DRC8: variants seen among roughly 807,000 people sequenced by gnomAD.
DRC8 encodes the protein dynein regulatory complex protein 8.
the DRC8 span, among the ~76,000 whole-genome samples, chr1:244,973,228 AATATAATAAT>A: frequency 7.2e-5 from 2 of 27,884 alleles, no homozygotes; most frequent in Non-Finnish European, 2.0e-4. Context: ...GCAATATACT[AATATAATAAT>A]ATACTGTTTT....
the DRC8 span, among the ~76,000 whole-genome samples, chr1:244,982,682 A>G: frequency 1.3e-5 from 2 of 152,158 alleles, no homozygotes; most frequent in African/African-American, 4.8e-5. Flanking sequence ...AAAGAGAGAA[A>G]AGAATGAAAA....
At chr1:245,121,044 T>G in the DRC8 span, among the ~76,000 whole-genome samples, 1 of 152,256 alleles carries the variant, frequency 6.6e-6, no homozygotes, top group Non-Finnish European at 1.5e-5. Context: ...CAAAATTAAT[T>G]TGGTCAACTA....
At chr1:244,987,693 G>A in the DRC8 span, among the ~76,000 whole-genome samples, 1 of 151,164 alleles carries the variant, frequency 6.6e-6, no homozygotes, top group Admixed American at 6.6e-5. Flanking sequence ...TATTAATTGG[G>A]TCAAATAGAA....
chr1:245,090,307 A>G, the DRC8 span, among the ~76,000 whole-genome samples: 1 of 152,340 alleles, frequency 6.6e-6, no homozygotes, highest in South Asian at 2.1e-4. Flanking sequence ...GTTGGTAGCA[A>G]GGGGTGGTCT....
chr1:245,079,416 C>T, the DRC8 span, among the ~76,000 whole-genome samples: 4 of 152,094 alleles, frequency 2.6e-5, no homozygotes, highest in Non-Finnish European at 5.9e-5. Flanking sequence ...AACTTATTTT[C>T]GTATAATTTT....
the DRC8 span, among the ~76,000 whole-genome samples, chr1:244,991,213 G>C: frequency 6.6e-6 from 1 of 152,140 alleles, no homozygotes; most frequent in African/African-American, 2.4e-5. Flanking sequence ...TTATCATAAA[G>C]GATGCAAATG....
the DRC8 span, among the ~76,000 whole-genome samples, chr1:245,052,088 G>A: frequency 6.6e-6 from 1 of 152,140 alleles, no homozygotes; most frequent in African/African-American, 2.4e-5. Flanking sequence ...GAGATGAAGG[G>A]AGGGAGTACT....
At chr1:244,982,144 A>G in the DRC8 span, among the ~76,000 whole-genome samples, 1 of 152,206 alleles carries the variant, frequency 6.6e-6, no homozygotes, top group Non-Finnish European at 1.5e-5. Flanking sequence ...TGGCACCTAC[A>G]GCTACAGCAA....
chr1:244,997,542 T>C, the DRC8 span, among the ~76,000 whole-genome samples: 3 of 150,124 alleles, frequency 2.0e-5, no homozygotes, highest in Non-Finnish European at 4.4e-5. Context: ...TTTTTTTTTT[T>C]GGTTTATTTT....
the DRC8 span, among the ~76,000 whole-genome samples, chr1:244,981,870 C>T: frequency 6.6e-6 from 1 of 152,132 alleles, no homozygotes; most frequent in Non-Finnish European, 1.5e-5. Flanking sequence ...CATAAAAAGG[C>T]CAATTTCAGT....
chr1:245,040,580 A>C, the DRC8 span, among the ~76,000 whole-genome samples: 5 of 152,248 alleles, frequency 3.3e-5, no homozygotes, highest in Non-Finnish European at 7.3e-5. Flanking sequence ...CATTAGAATT[A>C]AATGAGTGGA....
the DRC8 span, among the ~76,000 whole-genome samples, chr1:245,076,872 GCA>G: frequency 6.6e-6 from 1 of 152,164 alleles, no homozygotes; most frequent in Admixed American, 6.5e-5. Context: ...GACTACAGGT[GCA>G]CACCACCATG....
the DRC8 span, chr1:245,030,944 T>A: frequency 6.6e-6 from 1 of 152,272 alleles, no homozygotes; most frequent in Non-Finnish European, 1.5e-5. Context: ...GGACGCCTTA[T>A]TTTGGTTAAG....
At chr1:245,007,656 G>A in the DRC8 span, among the ~76,000 whole-genome samples, 1 of 152,174 alleles carries the variant, frequency 6.6e-6, no homozygotes, top group Non-Finnish European at 1.5e-5. Context: ...CAACTTTTCT[G>A]TGTGTTTGAA....
the DRC8 span, among the ~76,000 whole-genome samples, chr1:245,113,188 T>G: frequency 6.6e-6 from 1 of 151,968 alleles, no homozygotes; most frequent in African/African-American, 2.4e-5. Flanking sequence ...CTATAAAGTT[T>G]CCCCCCTAAG....
chr1:244,969,789 G>C, the DRC8 span: 215 of 296,606 alleles, frequency 7.2e-4, 1 homozygote, highest in African/African-American at 4.5e-3. Context: ...GCTTTCTCTG[G>C]GAAAGGACGG....
chr1:245,057,682 G>C, the DRC8 span, among the ~76,000 whole-genome samples: 1 of 148,580 alleles, frequency 6.7e-6, no homozygotes, highest in Non-Finnish European at 1.5e-5. Flanking sequence ...TATCATGGTT[G>C]TACATATTTA....
chr1:245,001,934 T>A, the DRC8 span, among the ~76,000 whole-genome samples: 4 of 152,248 alleles, frequency 2.6e-5, no homozygotes, highest in African/African-American at 9.6e-5. Flanking sequence ...CCTTACTGAC[T>A]TACTCTTCTT....
the DRC8 span, among the ~76,000 whole-genome samples, chr1:245,060,589 T>TA: frequency 6.6e-6 from 1 of 152,214 alleles, no homozygotes; most frequent in East Asian, 1.9e-4. Context: ...ATGCTCACAT[T>TA]AAAAAAAGAT....
Sources: gnomAD v4.1 joint callset for allele counts (sites outside exome capture counted in the v4.1 genomes callset) on GRCh38, gnomAD v4.1.1 for gene constraint, MANE v1.5 for transcripts, NCBI Gene and HGNC (gene_info 2026-07-23, HGNC 2026-07-21) for gene names.